TEC: variants seen among roughly 807,000 people sequenced by gnomAD.
TEC encodes the protein tec protein tyrosine kinase, also known as tyrosine-protein kinase Tec.
TEC carries 72 observed loss-of-function variants against 93.0 expected under a neutral mutation model. The ratio of observed to expected loss-of-function variants is 0.77; its 90% CI spans 0.64 to 0.94. The LOEUF (loss-of-function observed/expected upper bound fraction) is 0.94. Among genes scored for constraint, TEC ranks in the 40% least tolerant of loss-of-function variants. The probability of loss-of-function intolerance (pLI) is 0.00; values close to 1 mark genes in which losing one functional copy is unlikely to be tolerated. For missense variants in TEC, 630 were observed against 757.9 expected, an observed-to-expected ratio of 0.83 and a Z score of 1.98; for synonymous variants, 249 against 247.7, an observed-to-expected ratio of 1.01 and a Z score of -0.05.
At chr4:48,199,455 CTTTTTTTT>C (rs34965891) in intron 2 of TEC, among the ~76,000 whole-genome samples, 5 of 67,358 alleles carry the variant, frequency 7.4e-5, no homozygotes, top group South Asian at 6.6e-4. Flanking sequence ...GATTTTCTTT[CTTTTTTTT>C]TTTTTTTTTT....
intron 1 of TEC, among the ~76,000 whole-genome samples, chr4:48,267,421 G>A (rs1170653116): frequency 6.6e-6 from 1 of 152,158 alleles, no homozygotes; most frequent in Non-Finnish European, 1.5e-5. Context: ...CGTGTTTGGA[G>A]GTGGAGGCAA....
chr4:48,246,085 C>T (rs1236703520), intron 1 of TEC, among the ~76,000 whole-genome samples: 3 of 151,740 alleles, frequency 2.0e-5, no homozygotes, highest in African/African-American at 4.8e-5. Context: ...CTCCAGCCTG[C>T]GTAACAAGAG....
intron 1 of TEC, among the ~76,000 whole-genome samples, chr4:48,256,262 T>A (rs952916669): frequency 2.0e-5 from 3 of 151,946 alleles, no homozygotes; most frequent in African/African-American, 7.2e-5. Context: ...ACAGAAGGGC[T>A]ACAATCCACC....
chr4:48,171,601 T>G (rs1721114580), intron 3 of TEC, 152 bp from the exon 4 acceptor site: 1 of 530,498 alleles, frequency 1.9e-6, no homozygotes, highest in Non-Finnish European at 3.3e-6. Context: ...GGTTACTTTC[T>G]TACAAAAGCA....
chr4:48,269,454 A>G (rs1260498569), intron 1 of TEC, among the ~76,000 whole-genome samples: 1 of 133,558 alleles, frequency 7.5e-6, no homozygotes, highest in East Asian at 2.1e-4. Context: ...CTTCAAGAAA[A>G]AGGGGCGGGT....
intron 1 of TEC, among the ~76,000 whole-genome samples, chr4:48,246,172 T>C (rs1442423266): frequency 2.0e-5 from 3 of 151,820 alleles, no homozygotes; most frequent in Non-Finnish European, 2.9e-5. Flanking sequence ...CAGAGAGAAA[T>C]TGAGACATGT....
chr4:48,170,205 C>T (rs1450370901), intron 5 of TEC, 43 bp downstream of exon 5: 2 of 1,470,108 alleles, frequency 1.4e-6, no homozygotes, highest in Non-Finnish European at 1.9e-6. Flanking sequence ...ATAATACGTT[C>T]ATTCTAAGCA....
chr4:48,180,568 T>C (rs1721543651), intron 2 of TEC, among the ~76,000 whole-genome samples: 1 of 152,168 alleles, frequency 6.6e-6, no homozygotes, highest in Non-Finnish European at 1.5e-5. Context: ...ATTTTATTTT[T>C]AAAGGATAAG....
At position 48,212,404 on chromosome 4, in the gene TEC, T is replaced by C. The variant is rs1454825703; in HGVS notation, c.138+16073A>G. 2.6e-5 allele frequency among the ~76,000 whole-genome samples: 4 copies of C among 152,036 alleles called. No homozygotes were observed. In the East Asian group the frequency reaches 7.7e-4, roughly 29 times the overall value. On this transcript the variant is annotated intron_variant, in intron 2 of 17. Coordinates refer to ENST00000381501, the MANE Select transcript of TEC (RefSeq NM_003215.3). ...TCCCCCTTTGTGGGAAGTAGAACAGTGTGGTTTAACAGTACACTCGCCCGA... is the reference window on the plus strand; with the variant it reads ...TCCCCCTTTGTGGGAAGTAGAACAGCGTGGTTTAACAGTACACTCGCCCGA...
intron 11 of TEC, among the ~76,000 whole-genome samples, chr4:48,148,615 T>C (rs770801452): frequency 2.0e-5 from 3 of 152,210 alleles, no homozygotes; most frequent in Non-Finnish European, 4.4e-5. Flanking sequence ...TCTGTGACTA[T>C]TCTGAAATAG....
intron 2 of TEC, among the ~76,000 whole-genome samples, chr4:48,182,399 TGATAAA>T (rs1721627449): frequency 1.3e-5 from 2 of 152,196 alleles, no homozygotes. Flanking sequence ...CTGAAAATCA[TGATAAA>T]GCTGAGACTT....
chr4:48,181,126 G>A (rs1560394388), intron 2 of TEC, among the ~76,000 whole-genome samples: 1 of 152,162 alleles, frequency 6.6e-6, no homozygotes, highest in Non-Finnish European at 1.5e-5. Context: ...AGGACAATCA[G>A]GTGCGAGGAG....
intron 2 of TEC, among the ~76,000 whole-genome samples, chr4:48,182,222 T>G (rs1046438913): frequency 6.6e-5 from 10 of 151,560 alleles, no homozygotes; most frequent in African/African-American, 2.4e-4. Context: ...GAGGTGGAGG[T>G]TGCAGTGAGC....
chr4:48,166,164 G>A (rs1219939025), intron 7 of TEC, among the ~76,000 whole-genome samples: 1 of 152,204 alleles, frequency 6.6e-6, no homozygotes, highest in Non-Finnish European at 1.5e-5. Flanking sequence ...CACGCAGTAA[G>A]AGTGTGGGTG....
intron 2 of TEC, among the ~76,000 whole-genome samples, chr4:48,185,181 C>T (rs911896575): frequency 3.3e-5 from 5 of 152,260 alleles, no homozygotes; most frequent in South Asian, 2.1e-4. Flanking sequence ...CTAAAGAGTT[C>T]CAGTCAACTG....
chr4:48,212,111 ATATATAT>A (rs1407045988), intron 2 of TEC, among the ~76,000 whole-genome samples: 9 of 101,674 alleles, frequency 8.9e-5, no homozygotes, highest in Admixed American at 3.6e-4. Flanking sequence ...AAAAAAAAAA[ATATATAT>A]ATATATATAT....
At chr4:48,260,457 G>C (rs1175596733) in intron 1 of TEC, among the ~76,000 whole-genome samples, 1 of 152,158 alleles carries the variant, frequency 6.6e-6, no homozygotes, top group African/African-American at 2.4e-5. Context: ...GCAGTCATAT[G>C]CATCTGCAAT....
At chr4:48,210,363 G>T (rs1263048121) in intron 2 of TEC, among the ~76,000 whole-genome samples, 1 of 151,974 alleles carries the variant, frequency 6.6e-6, no homozygotes, top group Non-Finnish European at 1.5e-5. Flanking sequence ...GCACGTGCCT[G>T]TCATCCTGGT....
At chr4:48,138,569 T>C in intron 17 of TEC, 96 bp downstream of exon 17, 2 of 1,390,042 alleles carry the variant, frequency 1.4e-6, no homozygotes, top group East Asian at 2.3e-5. Flanking sequence ...ACTATAAAGA[T>C]GCACCACCTC....
Sources: gnomAD v4.1 joint callset for allele counts (sites outside exome capture counted in the v4.1 genomes callset) on GRCh38, gnomAD v4.1.1 for gene constraint, MANE v1.5 for transcripts, NCBI Gene and HGNC (gene_info 2026-07-23, HGNC 2026-07-21) for gene names.